MED12L: variants seen among roughly 807,000 people sequenced by gnomAD.
MED12L encodes mediator complex subunit 12L.
In MED12L, 60 loss-of-function variants were observed where a neutral mutation model predicts 281.3. The ratio of observed to expected loss-of-function variants is 0.21; its 90% CI spans 0.17 to 0.26. MED12L has a LOEUF of 0.26. Ranked by LOEUF, MED12L falls within the 10% of genes least tolerant of loss-of-function variation. The pLI is 1.00. For missense variants in MED12L, 2,146 were observed against 2,680.9 expected, an observed-to-expected ratio of 0.80 and a Z score of 4.41; for synonymous variants, 974 against 987.2, an observed-to-expected ratio of 0.99 and a Z score of 0.25.
chr3:151,141,178 G>GTTTTTTTTTTTTTTTTTTTTTTTTTTT (rs370095367), intron 5 of MED12L, among the ~76,000 whole-genome samples: 4 of 102,186 alleles, frequency 3.9e-5, no homozygotes, highest in African/African-American at 1.3e-4. Flanking sequence ...TTTTTTTTTT[G>GTTTTTTTTTTTTTTTTTTTTTTTTTTT]TTTTTTTTGT....
chr3:151,285,641 C>G (rs1056369719), intron 16 of MED12L, among the ~76,000 whole-genome samples: 5 of 151,852 alleles, frequency 3.3e-5, no homozygotes, highest in African/African-American at 1.2e-4. Context: ...AAGAACTTCT[C>G]CATGTAACCA....
chr3:151,165,372 C>G (rs751974226), intron 9 of MED12L, 48 bp from the exon 10 acceptor site: 3 of 1,450,122 alleles, frequency 2.1e-6, no homozygotes, highest in Admixed American at 1.7e-5. Context: ...TTTAGACATG[C>G]GCTGTGGCAT....
intron 27 of MED12L, among the ~76,000 whole-genome samples, chr3:151,375,406 G>A (rs1269263773): frequency 2.0e-5 from 3 of 152,052 alleles, no homozygotes. Context: ...AAAGGCAATA[G>A]GAGTTTAAAT....
intron 16 of MED12L, among the ~76,000 whole-genome samples, chr3:151,317,198 T>C (rs1477997819): frequency 6.6e-6 from 1 of 152,190 alleles, no homozygotes; most frequent in East Asian, 1.9e-4. Flanking sequence ...AGTATTGTTG[T>C]AATTGATAAC....
intron 16 of MED12L, among the ~76,000 whole-genome samples, chr3:151,321,343 C>T (rs1220533929): frequency 2.0e-5 from 3 of 151,914 alleles, no homozygotes; most frequent in African/African-American, 2.4e-5. Context: ...GAAGGGAGGT[C>T]GTCTCAGTAG....
chr3:151,403,557 C>G (rs1715947136), intron 39 of MED12L, among the ~76,000 whole-genome samples: 1 of 152,052 alleles, frequency 6.6e-6, no homozygotes, highest in Admixed American at 6.5e-5. Flanking sequence ...TTTTTTTGAG[C>G]ATAGGTCTTG....
intron 16 of MED12L, among the ~76,000 whole-genome samples, chr3:151,255,468 G>A (rs929936845): frequency 2.6e-5 from 4 of 152,012 alleles, no homozygotes; most frequent in Non-Finnish European, 5.9e-5. Context: ...CTGGGGGTGC[G>A]GGCAGGCGGT....
intron 16 of MED12L, among the ~76,000 whole-genome samples, chr3:151,315,133 A>G (rs1748066575): frequency 6.6e-6 from 1 of 151,966 alleles, no homozygotes; most frequent in Non-Finnish European, 1.5e-5. Flanking sequence ...GGCTTTTCTT[A>G]TTTCAGGAGC....
At chr3:151,382,586 A>T in intron 32 of MED12L, 70 bp from the exon 33 acceptor site, 2 of 1,104,670 alleles carry the variant, frequency 1.8e-6, no homozygotes, top group Admixed American at 2.3e-5. Context: ...TGCTATCAGT[A>T]TAAAGCTCAA....
rs192861592 is a variant in MED12L, at chr3:151,419,585, T to C, written c.6408+3163T>C. ...ACAGACACACCGAGGATCAATACTT[T>C]GCATCTTTCAATCTAATCAAGTTGA... is the stretch of plus-strand genomic sequence containing the variant. On this transcript the variant is annotated intron_variant, in intron 43 of 44. Transcript: ENST00000687756. Among the ~76,000 whole-genome samples the C allele has an allele frequency of 3.3e-4, 50 of 152,296 alleles. No individual in the cohort carries two copies. The East Asian group carries it at 9.1e-3, about 28-fold the overall frequency.
intron 5 of MED12L, among the ~76,000 whole-genome samples, chr3:151,128,500 T>C (rs1046946895): frequency 9.4e-5 from 14 of 149,466 alleles, no homozygotes; most frequent in African/African-American, 3.2e-4. Flanking sequence ...CCCCCCTTCC[T>C]GTGATGTTCC....
intron 16 of MED12L, among the ~76,000 whole-genome samples, chr3:151,291,327 C>T (rs1188364706): frequency 2.0e-4 from 30 of 151,786 alleles, no homozygotes; most frequent in Admixed American, 2.0e-3. Context: ...TCTCTTGAAA[C>T]GATGGTTGAG....
intron 16 of MED12L, among the ~76,000 whole-genome samples, chr3:151,276,094 A>G (rs752786899): frequency 2.6e-5 from 4 of 152,250 alleles, no homozygotes; most frequent in Non-Finnish European, 5.9e-5. Flanking sequence ...AGGAGGCACT[A>G]TTTTCAATTA....
chr3:151,394,146 A>G (rs2108252733), intron 38 of MED12L, among the ~76,000 whole-genome samples: 1 of 152,352 alleles, frequency 6.6e-6, no homozygotes, highest in South Asian at 2.1e-4. Context: ...GAAGTTTGCA[A>G]GCATTTCAAG....
intron 16 of MED12L, among the ~76,000 whole-genome samples, chr3:151,255,161 G>T (rs547619901): frequency 1.3e-5 from 2 of 152,186 alleles, no homozygotes; most frequent in Non-Finnish European, 2.9e-5. Context: ...TGATGAAGCT[G>T]TTGGGAGACC....
intron 16 of MED12L, among the ~76,000 whole-genome samples, chr3:151,340,381 G>A (rs1751658682): frequency 6.6e-6 from 1 of 151,996 alleles, no homozygotes; most frequent in Admixed American, 6.6e-5. Flanking sequence ...TTATTTCTAT[G>A]CTTTGTATAA....
intron 5 of MED12L, among the ~76,000 whole-genome samples, chr3:151,141,385 T>A (rs1560088250): frequency 6.6e-6 from 1 of 151,838 alleles, no homozygotes; most frequent in African/African-American, 2.4e-5. Flanking sequence ...GAATAAGGAG[T>A]GATTTAGTTT....
Position 151,369,498 on chromosome 3 carries a change from A to G in MED12L, c.3613A>G (p.Ser1205Gly), listed in dbSNP as rs1347591300. Residue 1205 changes from serine to glycine, a missense_variant, in exon 26 of 45, where the codon AGC (serine) becomes GGC (glycine). Physicochemically the swap from Ser to Gly is moderately conservative, Grantham distance 56 (BLOSUM62 0). Around this residue, in one of 9 missense-constraint regions of MED12L, gnomAD observed 404 missense variants for 603.5 expected, o/e 0.67. Coordinates refer to ENST00000687756, the MANE Select transcript of MED12L (RefSeq NM_001393769.1). Reference protein sequence around the residue: ...DRHLLAAAHNSIEVGAVFAVL... With the variant: ...DRHLLAAAHNGIEVGAVFAVL... The stretch of plus-strand genomic sequence containing the variant: ...ACACCTCTTAGCCGCTGCTCACAAC[A>G]GCATTGAAGTGGGAGCCGTGTTTGC... The G allele has an allele frequency of 6.2e-7, 1 of 1,612,260 alleles. No homozygotes were observed. The highest frequency in any genetic ancestry group is 1.3e-5 in the African/African-American group (1 of 75,030).
chr3:151,146,562 C>G (rs1717786968), intron 5 of MED12L, among the ~76,000 whole-genome samples: 1 of 152,072 alleles, frequency 6.6e-6, no homozygotes. Flanking sequence ...TGATCTTGAG[C>G]TGCCTACTTG....
Sources: allele counts gnomAD v4.1 joint callset (sites outside exome capture counted in the v4.1 genomes callset), GRCh38; gene constraint gnomAD v4.1.1; regional missense constraint gnomAD v4.1.1; transcripts MANE v1.5; gene names NCBI Gene and HGNC (gene_info 2026-07-23, HGNC 2026-07-21).